The following ANKEF1 variants were observed in gnomAD, a reference collection of about 807,000 sequenced individuals.
ANKEF1 encodes the protein ankyrin repeat and EF-hand domain containing 1.
Under a neutral mutation model 65.1 loss-of-function variants are expected in ANKEF1, and 43 were observed. That is an observed-to-expected ratio of 0.66 (90% CI 0.52 to 0.85). The LOEUF (loss-of-function observed/expected upper bound fraction) is 0.85, where lower values mean the gene tolerates loss of function less well. ANKEF1 is among the 40% of genes least tolerant of loss of function. The pLI is 0.00. For synonymous variants in ANKEF1, 316 were observed against 341.5 expected (o/e 0.93, Z 0.82); for missense variants, 934 against 952.9 (o/e 0.98, Z 0.26).
chr20:10,038,202 T>C (rs1425280100), intron 2 of ANKEF1, 56 bp from the exon 3 acceptor site: 1 of 708,468 alleles, frequency 1.4e-6, no homozygotes, highest in African/African-American at 1.8e-5. Context: ...TGTTATTTAA[T>C]CAAAATGAAG....
chr20:10,044,419 A>G lies in ANKEF1; in HGVS notation c.572A>G (p.Glu191Gly). The G allele has an allele frequency of 6.2e-7, 1 of 1,614,094 alleles. No individual in the cohort carries two copies. The highest frequency in any genetic ancestry group is 8.5e-7 in the Non-Finnish European group (1 of 1,179,992). The change falls in exon 5 of 11, where the codon GAA becomes GGA. Residue 191 changes from glutamate to glycine, a missense_variant. By Grantham distance (98) the Glu-to-Gly change is moderately conservative (BLOSUM62 -2). Transcript: ENST00000378392. ...NSSTGRTALM[E>G]ASREGVVEIV... The stretch of plus-strand genomic sequence containing the variant: ...TCCACAGGCCGCACAGCTTTAATGG[A>G]AGCGTCAAGAGAAGGGGTAGTGGAA...
rs1272426983 is a variant in ANKEF1 at position 10,051,846 on chromosome 20, C to T, written c.1827C>T (p.Tyr609=). The T allele has an allele frequency of 6.2e-7, 1 of 1,613,000 alleles. No individual in the cohort carries two copies. Among genetic ancestry groups the T allele is most frequent in the South Asian group, 1.1e-5 (1 of 91,018 alleles). ...IESCRLDTVK[Y]LLDIGAKFQL... ...GCTGCAGACTGGATACAGTAAAATA[C>T]CTACTTGATATTGGTGCTAAATTCC... is the stretch of plus-strand genomic sequence containing the variant. The change falls in exon 8 of 11, where the codon TAC becomes TAT. Residue 609 remains tyrosine (Y), a synonymous_variant. Transcript: ENST00000378392.
rs1463028917 is a variant in ANKEF1, at chr20:10,055,524, C to T, written c.2195C>T (p.Thr732Ile). 3.1e-6 allele frequency: 5 copies of T among 1,613,664 alleles called. No individual in the cohort carries two copies. The East Asian group carries it at 1.1e-4, about 36-fold the overall frequency. ...PRRIWSPEAT[T>I]AELIRKRELR... ...AAGATTTGGAGTCCTGAAGCCACAA[C>T]AGCAGAGCTGATCAGGAAGAGGGAA... Residue 732 changes from threonine to isoleucine, a missense_variant, in exon 11 of 11, where the codon ACA becomes ATA. Thr to Ile is a moderately conservative substitution (Grantham distance 89, BLOSUM62 -1). Coordinates refer to ENST00000378392, the MANE Select transcript of ANKEF1 (RefSeq NM_022096.6).
rs41275628 is a variant in ANKEF1 at position 10,051,627 on chromosome 20, C to T, written c.1644-36C>T. On this transcript the variant is annotated intron_variant, in intron 7 of 10. Coordinates refer to ENST00000378392, the MANE Select transcript of ANKEF1 (RefSeq NM_022096.6). ...TTTTAGTGTCCAGTCATTGGAAAAC[C>T]GTATTTTTAGTTTGTTCATCTATCT... is the stretch of plus-strand genomic sequence containing the variant. The T allele has an allele frequency of 1.8e-4, 269 of 1,513,246 alleles. 1 individual carries two copies. The Middle Eastern group carries it at 3.1e-3, about 17-fold the overall frequency. 93.7% of individuals were successfully genotyped at this position (1,513,246 alleles called of 1,614,324 possible).
intron 3 of ANKEF1, among the ~76,000 whole-genome samples, chr20:10,040,109 A>C (rs970799872): frequency 6.6e-6 from 1 of 152,232 alleles, no homozygotes; most frequent in African/African-American, 2.4e-5. Flanking sequence ...CAGAACTGAA[A>C]CTATAAAAGG....
chr20:10,044,376 G>A lies in ANKEF1; in HGVS notation c.547-18G>A. ...ATGGGTATAAACAGCATCTCATATTGGACTATTTCATGTCCAGTCCACAGG... is the reference window on the plus strand; with the variant it reads ...ATGGGTATAAACAGCATCTCATATTAGACTATTTCATGTCCAGTCCACAGG... On this transcript the variant is annotated intron_variant, in intron 4 of 10. Coordinates refer to ENST00000378392, the MANE Select transcript of ANKEF1 (RefSeq NM_022096.6). The A allele has an allele frequency of 3.1e-6, 5 of 1,612,928 alleles. No homozygotes were observed. The highest frequency in any genetic ancestry group is 4.2e-6 in the Non-Finnish European group (5 of 1,179,318).
In ANKEF1 at chr20:10,054,564, A is replaced by T. The variant is rs767526590; in HGVS notation, c.2137A>T (p.Thr713Ser). 2 of 1,609,316 alleles carry T rather than the reference A, an allele frequency of 1.2e-6. No homozygotes were observed. Among genetic ancestry groups the T allele is most frequent in the Non-Finnish European group, 1.7e-6 (2 of 1,178,302 alleles). ...GAATTCATTGATTACCAGTGGTTAT[A>T]CTAAGAAAGTGGATATCACATTTAT... ...HLNSLITSGY[T>S]KKVDITFIPR... The change falls in exon 10 of 11, where the codon ACT becomes TCT. Residue 713 changes from threonine (T) to serine (S), a missense_variant. Transcript: ENST00000378392.
rs529078868 is a variant in ANKEF1, at chr20:10,053,144, G to A, written c.1903G>A (p.Ala635Thr). The A allele has an allele frequency of 1.2e-6, 2 of 1,609,128 alleles. No homozygotes were observed. The highest frequency in any genetic ancestry group is 2.2e-5 in the South Asian group (2 of 89,758). Reference sequence around the variant, plus strand: ...TGCCATGGACGTTGCAAAGGCATATGCTGATTATAGAATAATTGATCTGAT... The same window carrying A: ...TGCCATGGACGTTGCAAAGGCATATACTGATTATAGAATAATTGATCTGAT... ...HSAMDVAKAYADYRIIDLIKE... is the reference protein window; with the variant it reads ...HSAMDVAKAYTDYRIIDLIKE... The change falls in exon 9 of 11, where the codon GCT (alanine) becomes ACT (threonine). Residue 635 changes from alanine (A) to threonine (T), a missense_variant. Transcript: ENST00000378392.
In ANKEF1 at chr20:10,043,120, AGGT is replaced by A. The variant is rs1247491409; in HGVS notation, c.347_349del (p.Gly116del). The A allele has an allele frequency of 6.2e-7, 1 of 1,613,744 alleles. No individual in the cohort carries two copies. Among genetic ancestry groups the A allele is most frequent in the Non-Finnish European group, 8.5e-7 (1 of 1,179,768 alleles). ...CTCTCTGGGGATTTTATTTCTCTGC[AGGT>A]GTTTTGTTTTACTGCATTTTACCGA... On this transcript the variant is annotated splice_acceptor_variant and coding_sequence_variant, in exon 4 of 11. Transcript: ENST00000378392. LOFTEE classifies it high-confidence loss of function.
intron 8 of ANKEF1, among the ~76,000 whole-genome samples, chr20:10,052,395 A>G (rs1337703484): frequency 2.0e-5 from 3 of 152,136 alleles, no homozygotes; most frequent in Non-Finnish European, 4.4e-5. Flanking sequence ...GTTTCTCTTA[A>G]AGCTGGACAA....
intron 3 of ANKEF1, chr20:10,040,639 T>G (rs1424986046): frequency 6.6e-6 from 1 of 152,232 alleles, no homozygotes; most frequent in Non-Finnish European, 1.5e-5. Flanking sequence ...GTGTACTCAG[T>G]CCTCAATGCC....
At position 10,038,470 on chromosome 20, in the gene ANKEF1, G is replaced by C. The variant is rs1983989877; in HGVS notation, c.169G>C (p.Val57Leu). The change falls in exon 3 of 11, where the codon GTT (valine) becomes CTT (leucine). Residue 57 changes from valine (V) to leucine (L), a missense_variant. Val to Leu is a conservative substitution (Grantham distance 32). Transcript: ENST00000378392. ...NGLSALHLAS[V>L]SNDIDMVSFL... ...ACTTAGTGCTTTGCACTTAGCCTCA[G>C]TTTCCAATGATATTGATATGGTCAG... 1.2e-6 allele frequency: 2 copies of C among 1,614,110 alleles called. No homozygotes were observed. Among genetic ancestry groups the C allele is most frequent in the South Asian group, 1.1e-5 (1 of 91,094 alleles).
chr20:10,055,298 C>CT (rs1211560556), intron 10 of ANKEF1, among the ~76,000 whole-genome samples: 122 of 152,282 alleles, frequency 8.0e-4, no homozygotes, highest in African/African-American at 2.7e-3. Flanking sequence ...TCATCAAAAA[C>CT]AGTGATGCTC....
chr20:10,050,863 C>T (rs991469979), intron 7 of ANKEF1, among the ~76,000 whole-genome samples: 2 of 152,176 alleles, frequency 1.3e-5, no homozygotes, highest in Non-Finnish European at 2.9e-5. Context: ...GCTTTGGTCC[C>T]AAAACCTGCT....
chr20:10,046,614 T>C (rs1984537411), intron 6 of ANKEF1, among the ~76,000 whole-genome samples: 1 of 152,200 alleles, frequency 6.6e-6, no homozygotes, highest in Non-Finnish European at 1.5e-5. Flanking sequence ...TATGTATTTT[T>C]TGTTAATTAC....
chr20:10,053,653 C>T (rs1305411395), intron 9 of ANKEF1, among the ~76,000 whole-genome samples: 1 of 152,134 alleles, frequency 6.6e-6, no homozygotes, highest in East Asian at 1.9e-4. Flanking sequence ...TGAAGTAAAG[C>T]ATGATTTTTC....
rs1568519848 is a variant in ANKEF1, at chr20:10,056,462, T to TGATAGACAGATATATAGATGATA, written c.*808_*809insCAGATATATAGATGATAGATAGA. On this transcript the variant is annotated 3_prime_UTR_variant, in exon 11 of 11. Coordinates refer to ENST00000378392, the MANE Select transcript of ANKEF1 (RefSeq NM_022096.6). ...AAAGGCAGATAGACAGATATATAGA[T>TGATAGACAGATATATAGATGATA]GATAGATAGATAGATGATAGATAGA... 5.4e-5 allele frequency: 8 copies of TGATAGACAGATATATAGATGATA among 148,916 alleles called. No individual in the cohort carries two copies. The highest frequency in any genetic ancestry group is 5.3e-4 in the Admixed American group (8 of 14,988). The allele number at this position is 148,916 out of a possible 1,614,324, so 9.2% of individuals were successfully genotyped here.
chr20:10,041,562 A>G (rs1469454414), intron 3 of ANKEF1, among the ~76,000 whole-genome samples: 1 of 152,106 alleles, frequency 6.6e-6, no homozygotes, highest in Non-Finnish European at 1.5e-5. Flanking sequence ...CTTGTACTTT[A>G]TTTCCTTACC....
At position 10,055,759 on chromosome 20, in the gene ANKEF1, C is replaced by T. The variant is rs1985116427; in HGVS notation, c.*99C>T. On this transcript the variant is annotated 3_prime_UTR_variant, in exon 11 of 11. Transcript: ENST00000378392. Reference sequence around the variant, plus strand: ...ATCAAAGCCAAAGCAATCCATACACCAAGAACTTGTTACCAAGAATTTCTT... The same window carrying T: ...ATCAAAGCCAAAGCAATCCATACACTAAGAACTTGTTACCAAGAATTTCTT... The T allele has an allele frequency of 8.1e-7, 1 of 1,227,400 alleles. No homozygotes were observed. The highest frequency in any genetic ancestry group is 1.2e-6 in the Non-Finnish European group (1 of 864,674). 76.0% of individuals were successfully genotyped at this position (1,227,400 alleles called of 1,614,324 possible).
Sources: allele counts gnomAD v4.1 joint callset (sites outside exome capture counted in the v4.1 genomes callset), GRCh38; gene constraint gnomAD v4.1.1; transcripts MANE v1.5; gene names NCBI Gene and HGNC (gene_info 2026-07-23, HGNC 2026-07-21).